Variants in HDAC9 observed in about 807,000 individuals in gnomAD.
HDAC9 encodes histone deacetylase 9.
HDAC9 carries 41 observed loss-of-function variants against 139.4 expected under a neutral mutation model. The observed-to-expected ratio is 0.29, with a 90% CI of 0.23 to 0.38. HDAC9 has a LOEUF of 0.38. HDAC9 is among the 10% of genes least tolerant of loss of function. HDAC9 has a pLI of 1.00. For missense variants in HDAC9, 1,147 were observed against 1,297.0 expected, an observed-to-expected ratio of 0.88 and a Z score of 1.78; for synonymous variants, 517 against 476.2, an observed-to-expected ratio of 1.09 and a Z score of -1.12.
In HDAC9 at chr7:18,996,142, T is replaced by G; in HGVS notation, c.*80T>G. On this transcript the variant is annotated 3_prime_UTR_variant, in exon 26 of 26. Transcript: ENST00000686413. ...CACCCCAGTACCCTCAGACATGTCTTGTCTGCTGCCTGGGTGGCACAGATT... is the reference window on the plus strand; with the variant it reads ...CACCCCAGTACCCTCAGACATGTCTGGTCTGCTGCCTGGGTGGCACAGATT... The G allele has an allele frequency of 2.9e-6, 3 of 1,020,922 alleles. No individual in the cohort carries two copies. Among genetic ancestry groups the G allele is most frequent in the Non-Finnish European group, 4.5e-6 (3 of 670,566 alleles). The allele number at this position is 1,020,922 out of a possible 1,614,324, so 63.2% of individuals were successfully genotyped here.
intron 2 of HDAC9, among the ~76,000 whole-genome samples, chr7:18,236,413 G>C (rs907359810): frequency 3.3e-5 from 5 of 152,192 alleles, no homozygotes; most frequent in African/African-American, 1.2e-4. Context: ...CTTATTCCAA[G>C]TTGACAGAGT....
At chr7:18,649,069 A>G (rs1788379099) in intron 11 of HDAC9, among the ~76,000 whole-genome samples, 1 of 152,192 alleles carries the variant, frequency 6.6e-6, no homozygotes, top group South Asian at 2.1e-4. Flanking sequence ...CAGATAGGCC[A>G]AGATTAGCCA....
intron 1 of HDAC9, among the ~76,000 whole-genome samples, chr7:18,308,713 G>T (rs639387): frequency 5.5e-4 from 84 of 152,002 alleles, no homozygotes; most frequent in Admixed American, 1.2e-3. Context: ...ATATATATAT[G>T]TGTGTACGTG....
chr7:18,175,221 G>A (rs748268506), intron 2 of HDAC9, among the ~76,000 whole-genome samples: 6 of 152,152 alleles, frequency 3.9e-5, no homozygotes, highest in South Asian at 2.1e-4. Flanking sequence ...AGATTGCCAC[G>A]CTAGCAGTGA....
At chr7:18,175,004 A>T (rs1393673690) in intron 2 of HDAC9, among the ~76,000 whole-genome samples, 1 of 152,136 alleles carries the variant, frequency 6.6e-6, no homozygotes, top group Non-Finnish European at 1.5e-5. Context: ...TCAGAAGGGG[A>T]CGTTTAAGTC....
intron 2 of HDAC9, among the ~76,000 whole-genome samples, chr7:18,253,675 A>G (rs1795066303): frequency 6.6e-6 from 1 of 152,162 alleles, no homozygotes; most frequent in Admixed American, 6.5e-5. Flanking sequence ...TTGAGTTAGT[A>G]TTCGTGGTAA....
At chr7:18,156,124 T>G in intron 1 of HDAC9, among the ~76,000 whole-genome samples, 1 of 152,192 alleles carries the variant, frequency 6.6e-6, no homozygotes, top group East Asian at 1.9e-4. Context: ...TTCCCCTGTC[T>G]TCATGAATAA....
chr7:18,429,137 G>A (rs1408344255), intron 1 of HDAC9: 4 of 151,998 alleles, frequency 2.6e-5, no homozygotes, highest in South Asian at 2.1e-4. Context: ...ACTTGCAATC[G>A]ATCTCCCCCA....
intron 17 of HDAC9, among the ~76,000 whole-genome samples, chr7:18,820,290 T>A (rs1794866538): frequency 6.6e-6 from 1 of 152,172 alleles, no homozygotes; most frequent in Admixed American, 6.5e-5. Context: ...AAGAGAGACA[T>A]GTTCTTGAGC....
chr7:18,509,823 G>T (rs1800917219), intron 2 of HDAC9, among the ~76,000 whole-genome samples: 1 of 151,532 alleles, frequency 6.6e-6, no homozygotes, highest in Non-Finnish European at 1.5e-5. Context: ...TCCACTTTCT[G>T]TCTTACACTG....
intron 1 of HDAC9, among the ~76,000 whole-genome samples, chr7:18,444,468 G>GGAAAGGTA (rs1386208964): frequency 1.3e-5 from 2 of 151,730 alleles, no homozygotes; most frequent in Non-Finnish European, 2.9e-5. Flanking sequence ...AAATAAAAGG[G>GGAAAGGTA]GAAAGGTAGA....
intron 1 of HDAC9, among the ~76,000 whole-genome samples, chr7:18,441,791 C>T (rs1040476351): frequency 4.0e-5 from 6 of 151,746 alleles, no homozygotes; most frequent in South Asian, 2.1e-4. Flanking sequence ...GTTGTTGAGA[C>T]GGAGTCTCAC....
chr7:18,359,571 C>T (rs996609383), intron 1 of HDAC9, among the ~76,000 whole-genome samples: 3 of 152,160 alleles, frequency 2.0e-5, no homozygotes, highest in African/African-American at 7.2e-5. Context: ...TAGTCCCCAG[C>T]ACCTGCTTTG....
chr7:18,491,205 A>G (rs1477277120), upstream of HDAC9, among the ~76,000 whole-genome samples: 1 of 152,010 alleles, frequency 6.6e-6, no homozygotes, highest in African/African-American at 2.4e-5. Context: ...TCTGAAAGAA[A>G]TAATAAAACA....
chr7:18,829,937 G>C (rs879504412), intron 19 of HDAC9, among the ~76,000 whole-genome samples: 6 of 151,980 alleles, frequency 3.9e-5, no homozygotes, highest in Admixed American at 6.6e-5. Context: ...CTTCCCCCTG[G>C]TTAGAAATCA....
intron 22 of HDAC9, among the ~76,000 whole-genome samples, chr7:18,894,997 G>C (rs1385843966): frequency 6.6e-6 from 1 of 152,040 alleles, no homozygotes; most frequent in Non-Finnish European, 1.5e-5. Context: ...AGGAACAAAG[G>C]TAATCACTGA....
chr7:18,957,768 C>T (rs766560157), intron 24 of HDAC9, among the ~76,000 whole-genome samples: 3 of 152,110 alleles, frequency 2.0e-5, no homozygotes, highest in East Asian at 1.9e-4. Flanking sequence ...TCTTCACATA[C>T]GTCTCTGAGT....
intron 2 of HDAC9, among the ~76,000 whole-genome samples, chr7:18,265,572 T>G (rs1275163304): frequency 1.3e-5 from 2 of 152,130 alleles, no homozygotes; most frequent in Non-Finnish European, 2.9e-5. Context: ...TTCCTATAAA[T>G]GACTCTTTAG....
At chr7:18,451,429 A>ATGTGTGTGTGTGTGTGTATATATATGTG (rs1792847722) in intron 1 of HDAC9, among the ~76,000 whole-genome samples, 1 of 137,654 alleles carries the variant, frequency 7.3e-6, no homozygotes, top group African/African-American at 2.7e-5. Context: ...GTGTATATAT[A>ATGTGTGTGTGTGTGTGTATATATATGTG]TGTGTGTGTG....
Sources: allele counts gnomAD v4.1 joint callset (sites outside exome capture counted in the v4.1 genomes callset), GRCh38; gene constraint gnomAD v4.1.1; transcripts MANE v1.5; gene names NCBI Gene and HGNC (gene_info 2026-07-23, HGNC 2026-07-21).